The following PRIM2 variants were observed in gnomAD, a reference collection of about 807,000 sequenced individuals.
The protein encoded by PRIM2 is DNA primase subunit 2, also known as DNA primase large subunit.
A neutral mutation model predicts 67.3 loss-of-function variants in PRIM2; 39 were observed. The ratio of observed to expected loss-of-function variants is 0.58; its 90% CI spans 0.45 to 0.76. The LOEUF (loss-of-function observed/expected upper bound fraction) is 0.76. Ranked by LOEUF, PRIM2 falls within the 30% of genes least tolerant of loss-of-function variation. The pLI is 0.00. For synonymous variants in PRIM2, 143 were observed against 198.7 expected (o/e 0.72, Z 2.36); for missense variants, 398 against 598.7 (o/e 0.66, Z 3.50).
At chr6:57,304,898 C>T in the PRIM2 span, among the ~76,000 whole-genome samples, 1 of 152,072 alleles carries the variant, frequency 6.6e-6, no homozygotes, top group Non-Finnish European at 1.5e-5. Flanking sequence ...ACTACTTGGC[C>T]CCTAAGTGAT....
At chr6:57,378,128 A>G (rs1769833647) in intron 5 of PRIM2, among the ~76,000 whole-genome samples, 1 of 149,872 alleles carries the variant, frequency 6.7e-6, no homozygotes, top group Non-Finnish European at 1.5e-5. Context: ...TAATGTGATC[A>G]TGGCTTACTG....
At chr6:57,291,092 T>C in the PRIM2 span, among the ~76,000 whole-genome samples, 1 of 151,934 alleles carries the variant, frequency 6.6e-6, no homozygotes, top group Non-Finnish European at 1.5e-5. Context: ...AACAAATAGA[T>C]AGACCACTAC....
At chr6:57,386,386 C>T (rs1395974331) in intron 7 of PRIM2, among the ~76,000 whole-genome samples, 3 of 140,708 alleles carry the variant, frequency 2.1e-5, no homozygotes, top group Admixed American at 7.1e-5. Flanking sequence ...CCATTGCACC[C>T]CAGCTTGGGC....
upstream of PRIM2, among the ~76,000 whole-genome samples, chr6:57,316,728 ACAG>A (rs1415461242): frequency 6.6e-6 from 1 of 152,192 alleles, no homozygotes; most frequent in African/African-American, 2.4e-5. Flanking sequence ...CGAAAATCTT[ACAG>A]ACAGCGGAGA....
In PRIM2 at chr6:57,336,853, A is replaced by G. The variant is rs536305473; in HGVS notation, c.459+10808A>G. ...CACAATGACAGGATAAAATTCACACATAACAATATTAACTTTAAATGTAAA... is the reference window on the plus strand; with the variant it reads ...CACAATGACAGGATAAAATTCACACGTAACAATATTAACTTTAAATGTAAA... On this transcript the variant is annotated intron_variant, in intron 5 of 13. Transcript: ENST00000615550. 2.0e-3 allele frequency among the ~76,000 whole-genome samples: 302 copies of G among 152,326 alleles called. 1 individual carries two copies. Among genetic ancestry groups the G allele is most frequent in the South Asian group, 3.7e-3 (18 of 4,822 alleles).
chr6:57,575,115 T>TA (rs1332422886), intron 10 of PRIM2, among the ~76,000 whole-genome samples: 2 of 152,216 alleles, frequency 1.3e-5, no homozygotes, highest in Admixed American at 1.3e-4. Flanking sequence ...TCCTCAAACA[T>TA]AACATGGCCC....
intron 10 of PRIM2, among the ~76,000 whole-genome samples, chr6:57,593,640 C>T (rs1382577185): frequency 2.0e-5 from 3 of 152,090 alleles, no homozygotes; most frequent in South Asian, 2.1e-4. Flanking sequence ...TCCTTTGAGT[C>T]GTGGATATGA....
At chr6:57,261,790 G>C in the PRIM2 span, among the ~76,000 whole-genome samples, 9,615 of 152,098 alleles carry the variant, frequency 0.063, 420 homozygotes, top group East Asian at 0.15. Flanking sequence ...TCTCTGGAAG[G>C]CTCCCTCCAC....
chr6:57,467,342 A>G (rs1220978705), intron 7 of PRIM2, among the ~76,000 whole-genome samples: 1 of 151,846 alleles, frequency 6.6e-6, no homozygotes, highest in East Asian at 1.9e-4. Flanking sequence ...TTTTCTGCAT[A>G]TGGCTGGCTA....
chr6:57,326,532 C>T (rs1285189903), intron 5 of PRIM2, among the ~76,000 whole-genome samples: 2 of 151,992 alleles, frequency 1.3e-5, no homozygotes, highest in East Asian at 3.9e-4. Flanking sequence ...ACCATCTTGA[C>T]CAACATAGTG....
chr6:57,423,422 A>G (rs35005038), intron 7 of PRIM2, among the ~76,000 whole-genome samples: 4,065 of 152,312 alleles, frequency 0.027, 80 homozygotes, highest in Non-Finnish European at 0.043. Flanking sequence ...AGAAGAACCC[A>G]GTGCAAAATA....
the PRIM2 span, among the ~76,000 whole-genome samples, chr6:57,287,519 A>G: frequency 6.6e-6 from 1 of 152,116 alleles, no homozygotes; most frequent in African/African-American, 2.4e-5. Flanking sequence ...ACAGAAAACC[A>G]AACACTGCAT....
At chr6:57,641,679 G>A (rs1217665393) in intron 13 of PRIM2, among the ~76,000 whole-genome samples, 3 of 152,184 alleles carry the variant, frequency 2.0e-5, no homozygotes, top group African/African-American at 7.2e-5. Context: ...AAACTGCAAT[G>A]AGATACCATC....
In PRIM2 at chr6:57,577,998, C is replaced by G. The variant is rs1223820965; in HGVS notation, c.1021-23095C>G. Among the ~76,000 whole-genome samples the G allele has an allele frequency of 2.1e-3, 319 of 152,314 alleles. 2 individuals carry two copies. Among genetic ancestry groups the G allele is most frequent in the Admixed American group, 3.5e-3 (53 of 15,306 alleles). On this transcript the variant is annotated intron_variant, in intron 10 of 13. Transcript: ENST00000615550. ...GCATTTAGTTCTCATGTCTCCTAATCTCTTCTAGTCTGTGACAATTTCTCA... is the reference window on the plus strand; with the variant it reads ...GCATTTAGTTCTCATGTCTCCTAATGTCTTCTAGTCTGTGACAATTTCTCA...
the PRIM2 span, among the ~76,000 whole-genome samples, chr6:57,230,484 G>A: frequency 6.6e-6 from 1 of 152,148 alleles, no homozygotes; most frequent in Non-Finnish European, 1.5e-5. Flanking sequence ...TAGTGTATAT[G>A]TTTATCTACG....
At chr6:57,426,070 C>G (rs1413380824) in intron 7 of PRIM2, among the ~76,000 whole-genome samples, 1 of 152,232 alleles carries the variant, frequency 6.6e-6, no homozygotes, top group East Asian at 1.9e-4. Context: ...GAAAGTAACT[C>G]ATGTCGTGTC....
At chr6:57,321,351 C>A (rs1447673771) in intron 3 of PRIM2, among the ~76,000 whole-genome samples, 4 of 152,018 alleles carry the variant, frequency 2.6e-5, no homozygotes, top group Non-Finnish European at 2.9e-5. Context: ...ATTTGAGGTG[C>A]CTGTGGAGAT....
At chr6:57,296,266 T>C in the PRIM2 span, among the ~76,000 whole-genome samples, 1 of 151,252 alleles carries the variant, frequency 6.6e-6, no homozygotes, top group East Asian at 1.9e-4. Flanking sequence ...TATACAAATA[T>C]TGTACTTTAG....
the PRIM2 span, among the ~76,000 whole-genome samples, chr6:57,292,715 C>A: frequency 6.6e-6 from 1 of 152,156 alleles, no homozygotes; most frequent in African/African-American, 2.4e-5. Context: ...CTTTAACAAA[C>A]CTGACAAAAA....
Sources: gnomAD v4.1 joint callset for allele counts (sites outside exome capture counted in the v4.1 genomes callset) on GRCh38, gnomAD v4.1.1 for gene constraint, MANE v1.5 for transcripts, NCBI Gene and HGNC (gene_info 2026-07-23, HGNC 2026-07-21) for gene names.